DAPK2: variants seen among roughly 807,000 people sequenced by gnomAD.
The protein encoded by DAPK2 is death-associated protein kinase 2.
A neutral mutation model predicts 44.1 loss-of-function variants in DAPK2; 35 were observed. The ratio of observed to expected loss-of-function variants is 0.79; its 90% CI spans 0.61 to 1.05. The LOEUF is 1.05. DAPK2 is among the 50% of genes least tolerant of loss of function. The pLI is 0.00. For synonymous variants in DAPK2, 174 were observed against 182.6 expected (o/e 0.95, Z 0.38); for missense variants, 453 against 483.2 (o/e 0.94, Z 0.59).
intron 3 of DAPK2, among the ~76,000 whole-genome samples, chr15:63,960,986 C>G (rs1036315532): frequency 1.3e-5 from 2 of 152,148 alleles, no homozygotes; most frequent in Non-Finnish European, 2.9e-5. Flanking sequence ...GAATCTAAGT[C>G]TCTTTGTAGG....
intron 1 of DAPK2, among the ~76,000 whole-genome samples, chr15:63,987,340 G>A (rs1409443498): frequency 1.3e-5 from 2 of 152,208 alleles, no homozygotes; most frequent in African/African-American, 4.8e-5. Flanking sequence ...CAGGGATGAT[G>A]GGTGGGAGGC....
intron 1 of DAPK2, among the ~76,000 whole-genome samples, chr15:64,037,433 G>A (rs1433486817): frequency 6.6e-6 from 1 of 152,062 alleles, no homozygotes; most frequent in Non-Finnish European, 1.5e-5. Context: ...TCCCTTGCAG[G>A]GCATCCTTTT....
At chr15:64,003,699 A>G (rs1437665314) in intron 1 of DAPK2, among the ~76,000 whole-genome samples, 1 of 152,154 alleles carries the variant, frequency 6.6e-6, no homozygotes, top group Admixed American at 6.5e-5. Flanking sequence ...TCTGTCTCCC[A>G]GGTTCAAGTG....
chr15:63,978,216 A>G (rs774318301), intron 2 of DAPK2, among the ~76,000 whole-genome samples: 5 of 152,202 alleles, frequency 3.3e-5, no homozygotes, highest in African/African-American at 7.2e-5. Flanking sequence ...GCTCTCTGCA[A>G]ATTTTCACAT....
At position 63,939,952 on chromosome 15, in the gene DAPK2, C is replaced by T. The variant is rs1363768980; in HGVS notation, c.454-591G>A. On this transcript the variant is annotated intron_variant, in intron 3 of 10. Transcript: ENST00000261891. The surrounding 1 kb of genome is among the most constrained non-coding windows in gnomAD (Gnocchi z 4.3). The stretch of plus-strand genomic sequence containing the variant: ...CAGCAGGACACAGGAAAAATGCACC[C>T]GATTTCCAGGGAAAATACCAGCTGC... Among the ~76,000 whole-genome samples the T allele has an allele frequency of 3.3e-5, 5 of 152,224 alleles. No homozygotes were observed. The highest frequency in any genetic ancestry group is 7.2e-5 in the African/African-American group (3 of 41,452).
intron 1 of DAPK2, among the ~76,000 whole-genome samples, chr15:64,001,671 C>T (rs2079088178): frequency 6.6e-6 from 1 of 152,154 alleles, no homozygotes; most frequent in Non-Finnish European, 1.5e-5. Context: ...GAACATTGCT[C>T]CTAAATGTTG....
intron 8 of DAPK2, among the ~76,000 whole-genome samples, chr15:63,914,721 C>G (rs1250241396): frequency 2.6e-5 from 4 of 152,214 alleles, no homozygotes; most frequent in African/African-American, 9.6e-5. Context: ...CACAGGTCCA[C>G]TTGCTGGTCT....
intron 2 of DAPK2, among the ~76,000 whole-genome samples, chr15:63,977,866 T>C (rs2078396618): frequency 6.6e-6 from 1 of 152,184 alleles, no homozygotes; most frequent in South Asian, 2.1e-4. Flanking sequence ...CAGTTCACCA[T>C]GTGTCCCTCT....
chr15:64,037,597 A>T (rs1444121161), intron 1 of DAPK2, among the ~76,000 whole-genome samples: 2 of 152,200 alleles, frequency 1.3e-5, no homozygotes, highest in African/African-American at 4.8e-5. Context: ...TGCGTGGCAC[A>T]CAGTAGGTCC....
intron 1 of DAPK2, among the ~76,000 whole-genome samples, chr15:64,014,210 G>A (rs2079462160): frequency 6.6e-6 from 1 of 152,250 alleles, no homozygotes. Context: ...TGCGGAGGCA[G>A]CACTGCTGGG....
chr15:64,040,385 C>T (rs767971560), upstream of DAPK2: 8 of 751,514 alleles, frequency 1.1e-5, no homozygotes, highest in Non-Finnish European at 1.9e-5. Flanking sequence ...TAATCCACAG[C>T]CTTGGTTCTT....
rs16947691 is a variant in DAPK2, at chr15:64,009,803, C to T, written c.93-26049G>A. 4.4e-3 allele frequency among the ~76,000 whole-genome samples: 663 copies of T among 152,276 alleles called. 7 individuals carry two copies. The highest frequency in any genetic ancestry group is 0.015 in the African/African-American group (625 of 41,564). On this transcript the variant is annotated intron_variant, in intron 1 of 10. Transcript: ENST00000261891. ...TAATCTGTTAAGGGCAGGGCAATGTCTTACACTTCATCTGTGTGACCCACC... is the reference window on the plus strand; with the variant it reads ...TAATCTGTTAAGGGCAGGGCAATGTTTTACACTTCATCTGTGTGACCCACC...
Position 63,908,539 on chromosome 15 carries a change from C to T in DAPK2, c.1094G>A (p.Arg365Lys), listed in dbSNP as rs1338843233. 5 of 1,599,146 alleles carry T rather than the reference C, an allele frequency of 3.1e-6. No individual in the cohort carries two copies. The change falls in exon 11 of 11, where the codon AGG becomes AAG. Residue 365 changes from arginine (R) to lysine (K), a missense_variant. Arg to Lys is a conservative substitution (Grantham distance 26). Coordinates refer to ENST00000261891, the Ensembl canonical transcript of DAPK2. This position sits in a 1 kb window ranked among gnomAD's most constrained non-coding sequence, Gnocchi z 5.7. ...GGCCAGTTAGGAGGTGCTGCTCCTC[C>T]TCCGTGGGTGGAGGGCTTTCCTCCT...
At chr15:63,979,776 C>T (rs1395603658) in intron 2 of DAPK2, among the ~76,000 whole-genome samples, 1 of 152,058 alleles carries the variant, frequency 6.6e-6, no homozygotes, top group Non-Finnish European at 1.5e-5. Flanking sequence ...ATTAGCCAGG[C>T]ATGGGGGCAC....
intron 8 of DAPK2, chr15:63,922,140 AAATAAT>A: frequency 8.0e-6 from 2 of 249,390 alleles, no homozygotes; most frequent in Non-Finnish European, 1.3e-5. Flanking sequence ...AGTTACATGT[AAATAAT>A]AATAATAATA....
At chr15:64,030,203 G>T (rs2079972604) in intron 1 of DAPK2, among the ~76,000 whole-genome samples, 1 of 152,086 alleles carries the variant, frequency 6.6e-6, no homozygotes, top group South Asian at 2.1e-4. Flanking sequence ...CAGGAGAATC[G>T]CTTGAACCCA....
rs573895575 is a variant in DAPK2 at position 63,958,994 on chromosome 15, T to C, written c.453+12429A>G. Among the ~76,000 whole-genome samples, 3 of 152,372 alleles carry C rather than the reference T, an allele frequency of 2.0e-5. No homozygotes were observed. The South Asian group carries it at 6.2e-4, about 32-fold the overall frequency. On this transcript the variant is annotated intron_variant, in intron 3 of 10. Coordinates refer to ENST00000261891, the Ensembl canonical transcript of DAPK2. ...ATTCTTCCTACCCATGAGCATGGAA[T>C]GTTCTTCCATTTGTTTGTGTCCTCT...
rs185388300 is a variant in DAPK2, at chr15:64,017,513, G to A, written c.92+22657C>T. 4.7e-4 allele frequency among the ~76,000 whole-genome samples: 71 copies of A among 152,278 alleles called. 1 individual carries two copies. Among genetic ancestry groups the A allele is most frequent in the African/African-American group, 4.8e-5 (2 of 41,548 alleles). Reference sequence around the variant, plus strand: ...TGCATCTCCCTGTGCCTAGAGAGCCGCATTCCAGGACACGGGCAGGTCCAC... The same window carrying A: ...TGCATCTCCCTGTGCCTAGAGAGCCACATTCCAGGACACGGGCAGGTCCAC... On this transcript the variant is annotated intron_variant, in intron 1 of 10. Coordinates refer to ENST00000261891, the Ensembl canonical transcript of DAPK2.
At chr15:64,022,685 C>T (rs1467338986) in intron 1 of DAPK2, among the ~76,000 whole-genome samples, 1 of 152,070 alleles carries the variant, frequency 6.6e-6, no homozygotes, top group Non-Finnish European at 1.5e-5. Context: ...TGGGTGTGGT[C>T]ATGTGCATCT....
Sources: gnomAD v4.1 joint callset for allele counts (sites outside exome capture counted in the v4.1 genomes callset) on GRCh38, gnomAD v4.1.1 for gene constraint, Gnocchi (gnomAD v3.1) non-coding constraint, MANE v1.5 for transcripts, NCBI Gene and HGNC (gene_info 2026-07-23, HGNC 2026-07-21) for gene names.